NAF1: variants seen among roughly 807,000 people sequenced by gnomAD.
The protein encoded by NAF1 is H/ACA ribonucleoprotein complex non-core subunit NAF1.
In NAF1, 11 loss-of-function variants were observed where a neutral mutation model predicts 40.6. That is an observed-to-expected ratio of 0.27 (90% CI 0.17 to 0.45). The LOEUF (loss-of-function observed/expected upper bound fraction) is 0.45. Ranked by LOEUF, NAF1 falls within the 20% of genes least tolerant of loss-of-function variation. The pLI is 1.00. For missense variants in NAF1, 607 were observed against 611.1 expected (o/e 0.99, Z 0.07); for synonymous variants, 260 against 228.5 (o/e 1.14, Z -1.24).
At chr4:163,134,864 C>A (rs777698847) in intron 6 of NAF1, among the ~76,000 whole-genome samples, 2 of 152,096 alleles carry the variant, frequency 1.3e-5, no homozygotes, top group African/African-American at 2.4e-5. Flanking sequence ...CCTTATTGTG[C>A]CATTTTAAAT....
downstream of NAF1, among the ~76,000 whole-genome samples, chr4:163,125,172 C>T (rs1730619712): frequency 6.6e-6 from 1 of 152,158 alleles, no homozygotes. Flanking sequence ...AACAGCAACA[C>T]TGAAATTAAA....
downstream of NAF1, among the ~76,000 whole-genome samples, chr4:163,124,132 G>C (rs1299332955): frequency 6.6e-6 from 1 of 152,236 alleles, no homozygotes; most frequent in Admixed American, 6.5e-5. Flanking sequence ...GAGACAAAGG[G>C]ATTGCTTGAG....
chr4:163,164,214 T>C lies in NAF1; in HGVS notation c.540+3A>G. ...ACTAAGCTTAATAAATCTAAGTACT[T>C]ACATTAAGAAGTAATTCATCTTTTG... On this transcript the variant is annotated splice_donor_region_variant and intron_variant, in intron 2 of 7. Transcript: ENST00000274054. 6.6e-7 allele frequency: 1 copy of C among 1,525,012 alleles called. No homozygotes were observed. The highest frequency in any genetic ancestry group is 8.8e-7 in the Non-Finnish European group (1 of 1,137,780). The allele number at this position is 1,525,012 out of a possible 1,614,324, so 94.5% of individuals were successfully genotyped here.
intron 2 of NAF1, among the ~76,000 whole-genome samples, chr4:163,153,814 G>C (rs1268163102): frequency 1.3e-5 from 2 of 152,106 alleles, no homozygotes; most frequent in Non-Finnish European, 1.5e-5. Flanking sequence ...CAACCCGCTC[G>C]GGTCCCCTTC....
chr4:163,139,074 T>G (rs1291163571), intron 5 of NAF1, among the ~76,000 whole-genome samples: 2 of 152,154 alleles, frequency 1.3e-5, no homozygotes, highest in Non-Finnish European at 2.9e-5. Context: ...AAATCAATTA[T>G]CAGGATCAAA....
chr4:163,148,281 T>C (rs759173828), intron 3 of NAF1, 60 bp downstream of exon 3: 3 of 1,025,136 alleles, frequency 2.9e-6, no homozygotes, highest in Non-Finnish European at 4.2e-6. Flanking sequence ...ATAAAAGTCA[T>C]TGATTCAATT....
chr4:163,118,678 G>A (rs1174354225), intron 2 of NAF1, among the ~76,000 whole-genome samples: 4 of 152,186 alleles, frequency 2.6e-5, no homozygotes, highest in Non-Finnish European at 4.4e-5. Context: ...ACTTAAACCC[G>A]GGAGGTAGAG....
intron 2 of NAF1, among the ~76,000 whole-genome samples, chr4:163,113,804 AAAGTT>A (rs1290242356): frequency 6.6e-6 from 1 of 152,220 alleles, no homozygotes; most frequent in Non-Finnish European, 1.5e-5. Flanking sequence ...TTGATCACTT[AAAGTT>A]ATCTTCTCCA....
At chr4:163,121,224 T>C (rs1479587747) in intron 2 of NAF1, among the ~76,000 whole-genome samples, 2 of 152,146 alleles carry the variant, frequency 1.3e-5, no homozygotes, top group African/African-American at 4.8e-5. Context: ...TTTCTCAACT[T>C]TAATTTCAGC....
At chr4:163,162,850 G>A (rs1425502867) in intron 2 of NAF1, among the ~76,000 whole-genome samples, 1 of 152,174 alleles carries the variant, frequency 6.6e-6, no homozygotes, top group African/African-American at 2.4e-5. Flanking sequence ...TATGAACTCA[G>A]TCCTCAAAGA....
intron 2 of NAF1, among the ~76,000 whole-genome samples, chr4:163,121,063 T>A (rs1019038300): frequency 2.6e-5 from 4 of 151,824 alleles, no homozygotes; most frequent in African/African-American, 9.7e-5. Context: ...AGCTAATTTT[T>A]GTGTTTTAGT....
chr4:163,148,223 C>A, intron 3 of NAF1, 118 bp downstream of exon 3: 1 of 503,080 alleles, frequency 2.0e-6, no homozygotes, highest in Admixed American at 3.5e-5. Flanking sequence ...AACTTAATGA[C>A]TATAAAATAA....
In NAF1 at chr4:163,113,413, G is replaced by A. The variant is rs547745079; in HGVS notation, c.115-3123C>T. Among the ~76,000 whole-genome samples the A allele has an allele frequency of 4.0e-5, 6 of 151,558 alleles. No homozygotes were observed. The East Asian group carries it at 1.2e-3, about 29-fold the overall frequency. Reference sequence around the variant, plus strand: ...TAGTTATGCCATCAAAACTTGTAAGGTTAGTTTTAATTTTTTCATCTTTTC... The same window carrying A: ...TAGTTATGCCATCAAAACTTGTAAGATTAGTTTTAATTTTTTCATCTTTTC... On this transcript the variant is annotated intron_variant, in intron 2 of 2. Coordinates refer to the NAF1 transcript ENST00000509434.
At chr4:163,108,111 T>C (rs1158096695), downstream of NAF1, among the ~76,000 whole-genome samples, 1 of 152,184 alleles carries the variant, frequency 6.6e-6, no homozygotes, top group Non-Finnish European at 1.5e-5. Flanking sequence ...TTTGCATATA[T>C]CAACAGCGAT....
intron 5 of NAF1, among the ~76,000 whole-genome samples, chr4:163,140,020 A>C (rs935898960): frequency 3.3e-5 from 5 of 152,058 alleles, no homozygotes; most frequent in African/African-American, 1.2e-4. Flanking sequence ...TTAATGGCTG[A>C]TCATCTCATT....
chr4:163,127,033 T>C (rs1293162525), downstream of NAF1: 1 of 1,551,710 alleles, frequency 6.4e-7, no homozygotes, highest in Admixed American at 2.0e-5. Context: ...TTATATGCAT[T>C]TGGAAACCAA....
At chr4:163,148,586 TTG>T in intron 2 of NAF1, 152 bp from the exon 3 acceptor site, 1 of 553,078 alleles carries the variant, frequency 1.8e-6, no homozygotes, top group Non-Finnish European at 3.1e-6. Context: ...GGTTGCAGAC[TTG>T]TGATAGCACT....
At chr4:163,140,421 A>C (rs562090742) in intron 4 of NAF1, 38 bp from the exon 5 acceptor site, 113 of 1,533,918 alleles carry the variant, frequency 7.4e-5, no homozygotes, top group Non-Finnish European at 9.7e-5. Context: ...TAACATGTAA[A>C]ATAACTATTT....
intron 2 of NAF1, among the ~76,000 whole-genome samples, chr4:163,161,018 CAAA>C (rs796248441): frequency 6.7e-5 from 4 of 59,684 alleles, no homozygotes; most frequent in African/African-American, 2.3e-4. Context: ...TGTCATTTTC[CAAA>C]AAAAAAAAAA....
Sources: gnomAD v4.1 joint callset for allele counts (sites outside exome capture counted in the v4.1 genomes callset) on GRCh38, gnomAD v4.1.1 for gene constraint, MANE v1.5 for transcripts, NCBI Gene and HGNC (gene_info 2026-07-23, HGNC 2026-07-21) for gene names.